ELFN2: variants seen among roughly 807,000 people sequenced by gnomAD.
ELFN2 encodes protein phosphatase 1 regulatory subunit 29.
ELFN2 carries 17 observed loss-of-function variants against 45.5 expected under a neutral mutation model. That is an observed-to-expected ratio of 0.37 (90% CI 0.26 to 0.56). ELFN2 has a LOEUF of 0.56. Among genes scored for constraint, ELFN2 ranks in the 20% least tolerant of loss-of-function variants. ELFN2 has a pLI of 0.77. For missense variants in ELFN2, 922 were observed against 1,183.2 expected (o/e 0.78, Z 3.24); for synonymous variants, 550 against 551.5 (o/e 1.00, Z 0.04).
rs80194061 is a variant in ELFN2 at position 37,378,527 on chromosome 22, A to G, written c.-462-2531T>C. Among the ~76,000 whole-genome samples the G allele has an allele frequency of 7.5e-3, 1,138 of 152,326 alleles. 11 individuals carry two copies. Among genetic ancestry groups the G allele is most frequent in the African/African-American group, 0.025 (1,049 of 41,580 alleles). The stretch of plus-strand genomic sequence containing the variant: ...TGGGAGGGGAGCTAGTCCCCCCACC[A>G]GCTCTTCCCAAACAGTCCAGGGTGG... On this transcript the variant is annotated intron_variant, in intron 2 of 2. Transcript: ENST00000402918.
At position 37,374,402 on chromosome 22, in the gene ELFN2, G is replaced by T; in HGVS notation, c.1133C>A (p.Thr378Asn). ...RRFNHTCLTFTTRDPVPGDLA... is the reference protein window; with the variant it reads ...RRFNHTCLTFNTRDPVPGDLA... Reference sequence around the variant, plus strand: ...GTCTCCGGGGACGGGGTCCCGCGTGGTGAAGGTCAGGCAGGTGTGGTTGAA... The same window carrying T: ...GTCTCCGGGGACGGGGTCCCGCGTGTTGAAGGTCAGGCAGGTGTGGTTGAA... The change falls in exon 3 of 3, where the codon ACC (threonine) becomes AAC (asparagine). Residue 378 changes from threonine (T) to asparagine (N), a missense_variant. This residue lies in a region of ELFN2 where 564 missense variants were observed against 642.8 expected (regional missense o/e 0.88). Coordinates refer to ENST00000402918, the MANE Select transcript of ELFN2 (RefSeq NM_052906.5). The T allele has an allele frequency of 1.2e-6, 2 of 1,613,982 alleles. No individual in the cohort carries two copies. Among genetic ancestry groups the T allele is most frequent in the Non-Finnish European group, 1.7e-6 (2 of 1,179,906 alleles).
At position 37,373,697 on chromosome 22, in the gene ELFN2, G is replaced by T. The variant is rs765069782; in HGVS notation, c.1838C>A (p.Pro613Gln). 1 of 1,559,894 alleles carries T rather than the reference G, an allele frequency of 6.4e-7. No homozygotes were observed. The highest frequency in any genetic ancestry group is 1.2e-5 in the South Asian group (1 of 81,900). The change falls in exon 3 of 3, where the codon CCA (proline) becomes CAA (glutamine). Residue 613 changes from proline to glutamine, a missense_variant. This residue lies in a region of ELFN2 where 564 missense variants were observed against 642.8 expected (regional missense o/e 0.88). Transcript: ENST00000402918. ...SPPYKESSHH[P>Q]LQRQLSADAA... is the part of the protein sequence containing the mutation. ...GTCGGCGCTCAGCTGGCGCTGTAGT[G>T]GGTGGTGGGAGCTCTCCTTGTAGGG...
chr22:37,374,430 G>A lies in ELFN2; in HGVS notation c.1105C>T (p.Arg369Cys), dbSNP rs1263043950. Residue 369 changes from arginine to cysteine, a missense_variant, in exon 3 of 3, where the codon CGC becomes TGC. Physicochemically the swap from Arg to Cys is radical, Grantham distance 180. This residue lies in a region of ELFN2 where 358 missense variants were observed against 540.4 expected (regional missense o/e 0.66). Coordinates refer to ENST00000402918, the MANE Select transcript of ELFN2 (RefSeq NM_052906.5). ...AAGGTCAGGCAGGTGTGGTTGAAGC[G>A]GCGGCTGTTGCGCAGCGAGGTCACG... ...FCVTSLRNSR[R>C]FNHTCLTFTT... 4.3e-6 allele frequency: 7 copies of A among 1,613,998 alleles called. No homozygotes were observed. The highest frequency in any genetic ancestry group is 1.7e-5 in the Admixed American group (1 of 60,034).
rs779305364 is a variant in ELFN2 at position 37,373,731 on chromosome 22, G to C, written c.1804C>G (p.Leu602Val). 1.3e-6 allele frequency: 2 copies of C among 1,559,006 alleles called. No homozygotes were observed. The highest frequency in any genetic ancestry group is 1.7e-6 in the Non-Finnish European group (2 of 1,159,932). The change falls in exon 3 of 3, where the codon CTT (leucine) becomes GTT (valine). Residue 602 changes from leucine (L) to valine (V), a missense_variant. Leu to Val is a conservative substitution (Grantham distance 32). Transcript: ENST00000402918. Reference sequence around the variant, plus strand: ...GAGCTCTCCTTGTAGGGAGGCGAAAGGAAGCTGGGCCGCTCCAGGGCCCCG... The same window carrying C: ...GAGCTCTCCTTGTAGGGAGGCGAAACGAAGCTGGGCCGCTCCAGGGCCCCG... ...GPGALERPSF[L>V]SPPYKESSHH...
downstream of ELFN2, among the ~76,000 whole-genome samples, chr22:37,364,845 C>T (rs989217035): frequency 1.3e-5 from 2 of 152,140 alleles, no homozygotes; most frequent in Admixed American, 6.5e-5. Context: ...AGGCTGCCCC[C>T]GAACAAAGGC....
chr22:37,383,146 G>C (rs543271518), intron 2 of ELFN2, among the ~76,000 whole-genome samples: 2 of 152,136 alleles, frequency 1.3e-5, no homozygotes, highest in African/African-American at 4.8e-5. Flanking sequence ...CTCTTACAAC[G>C]TGTCGCCTGG....
At chr22:37,364,959 G>A (rs377003089), downstream of ELFN2, among the ~76,000 whole-genome samples, 2 of 152,178 alleles carry the variant, frequency 1.3e-5, no homozygotes, top group African/African-American at 2.4e-5. Flanking sequence ...GAATGCTTCC[G>A]GGCTGTGACA....
At chr22:37,379,198 A>G (rs907410557) in intron 2 of ELFN2, among the ~76,000 whole-genome samples, 1 of 152,198 alleles carries the variant, frequency 6.6e-6, no homozygotes, top group African/African-American at 2.4e-5. Flanking sequence ...TGAGCTATCT[A>G]GATGATAGAT....
intron 1 of ELFN2, among the ~76,000 whole-genome samples, chr22:37,419,807 G>A (rs1932795251): frequency 6.6e-6 from 1 of 152,080 alleles, no homozygotes; most frequent in Non-Finnish European, 1.5e-5. Flanking sequence ...CACGCGGCGC[G>A]TCCCCATGCC....
chr22:37,400,801 A>G (rs1431577378), intron 2 of ELFN2, among the ~76,000 whole-genome samples: 1 of 152,268 alleles, frequency 6.6e-6, no homozygotes, highest in Admixed American at 6.5e-5. Flanking sequence ...GCCTTCTTGT[A>G]GAGGGATCTA....
At position 37,374,113 on chromosome 22, in the gene ELFN2, G is replaced by A. The variant is rs1931482519; in HGVS notation, c.1422C>T (p.Pro474=). Reference sequence around the variant, plus strand: ...TGGGCAGCTTCTCCCCGATCATGGAGGGGATGGAGGCCATGCGAGATACGG... The same window carrying A: ...TGGGCAGCTTCTCCCCGATCATGGAAGGGATGGAGGCCATGCGAGATACGG... ...VLPVSRMASI[P]SMIGEKLPTA... Residue 474 remains proline, a synonymous_variant, in exon 3 of 3, where the codon CCC becomes CCT. Transcript: ENST00000402918. The A allele has an allele frequency of 6.2e-7, 1 of 1,613,118 alleles. No homozygotes were observed. Among genetic ancestry groups the A allele is most frequent in the Non-Finnish European group, 8.5e-7 (1 of 1,180,032 alleles).
Position 37,374,310 on chromosome 22 carries a change from C to A in ELFN2, c.1225G>T (p.Val409Phe). 6.2e-7 allele frequency: 1 copy of A among 1,613,962 alleles called. No individual in the cohort carries two copies. The highest frequency in any genetic ancestry group is 8.5e-7 in the Non-Finnish European group (1 of 1,179,962). ...MTILGCLFGM[V>F]IVLGAVYYCL... Reference sequence around the variant, plus strand: ...TAGTACACGGCTCCCAGCACGATAACCATGCCAAAGAGGCAGCCCAGGATG... The same window carrying A: ...TAGTACACGGCTCCCAGCACGATAAACATGCCAAAGAGGCAGCCCAGGATG... The change falls in exon 3 of 3, where the codon GTT becomes TTT. Residue 409 changes from valine (V) to phenylalanine (F), a missense_variant. Physicochemically the swap from Val to Phe is conservative, Grantham distance 50 (BLOSUM62 -1). Around this residue, in one of 2 missense-constraint regions of ELFN2, gnomAD observed 564 missense variants for 642.8 expected, o/e 0.88. Transcript: ENST00000402918.
intron 2 of ELFN2, among the ~76,000 whole-genome samples, chr22:37,397,954 G>A (rs576340801): frequency 1.5e-4 from 23 of 152,276 alleles, no homozygotes; most frequent in African/African-American, 3.4e-4. Flanking sequence ...CTGAGCGGAC[G>A]TCTGCACTGG....
rs139839613 is a variant in ELFN2, at chr22:37,379,294, C to T, written c.-462-3298G>A. On this transcript the variant is annotated intron_variant, in intron 2 of 2. Transcript: ENST00000402918. Reference sequence around the variant, plus strand: ...ATTGACACCTGGTCTGGCTGAACCACGAGAATGCAGCCTGTGACCAGCCCA... The same window carrying T: ...ATTGACACCTGGTCTGGCTGAACCATGAGAATGCAGCCTGTGACCAGCCCA... 6.0e-3 allele frequency among the ~76,000 whole-genome samples: 911 copies of T among 152,212 alleles called. 11 individuals are homozygous for T. Among genetic ancestry groups the T allele is most frequent in the African/African-American group, 0.021 (869 of 41,524 alleles).
At chr22:37,345,343 A>G (rs1393036532) in intron 1 of ELFN2, among the ~76,000 whole-genome samples, 1 of 152,136 alleles carries the variant, frequency 6.6e-6, no homozygotes, top group Non-Finnish European at 1.5e-5. Flanking sequence ...ACCCAGGATG[A>G]TCTGGGTTCT....
At chr22:37,351,468 T>C (rs1468969636) in intron 1 of ELFN2, among the ~76,000 whole-genome samples, 1 of 150,066 alleles carries the variant, frequency 6.7e-6, no homozygotes, top group Non-Finnish European at 1.5e-5. Flanking sequence ...GGTGCTGGCA[T>C]TGACTCCTCC....
Position 37,375,558 on chromosome 22 carries a change from C to T in ELFN2, c.-24G>A, listed in dbSNP as rs1200301750. 6.6e-7 allele frequency: 1 copy of T among 1,521,734 alleles called. No individual in the cohort carries two copies. 94.3% of individuals were successfully genotyped at this position (1,521,734 alleles called of 1,614,324 possible). On this transcript the variant is annotated 5_prime_UTR_variant, in exon 3 of 3. Transcript: ENST00000402918. ...ATGGCGCTGGCCTCGGAGTGAGGGG[C>T]CAGGGCAAGGCAGGGGGTGCCTAGC...
intron 2 of ELFN2, among the ~76,000 whole-genome samples, chr22:37,407,349 G>C (rs139678345): frequency 9.2e-5 from 14 of 152,294 alleles, no homozygotes; most frequent in Non-Finnish European, 1.9e-4. Context: ...ACAAATGCTT[G>C]TTGAACACCT....
intron 2 of ELFN2, among the ~76,000 whole-genome samples, chr22:37,410,858 G>A (rs772442141): frequency 7.9e-5 from 12 of 152,176 alleles, no homozygotes; most frequent in Non-Finnish European, 1.5e-4. Context: ...CATCCTGTTC[G>A]GCAGGCAGTA....
Sources: gnomAD v4.1 joint callset for allele counts (sites outside exome capture counted in the v4.1 genomes callset) on GRCh38, gnomAD v4.1.1 for gene constraint, gnomAD v4.1.1 regional missense constraint, MANE v1.5 for transcripts, NCBI Gene and HGNC (gene_info 2026-07-23, HGNC 2026-07-21) for gene names.